Variants in ZBTB37 observed in about 807,000 individuals in gnomAD.
The protein encoded by ZBTB37 is zinc finger and BTB domain-containing protein 37.
ZBTB37 carries 15 observed loss-of-function variants against 37.7 expected under a neutral mutation model. That is an observed-to-expected ratio of 0.40 (90% CI 0.27 to 0.61). The LOEUF (loss-of-function observed/expected upper bound fraction) is 0.61, where lower values mean the gene tolerates loss of function less well. Among genes scored for constraint, ZBTB37 ranks in the 20% least tolerant of loss-of-function variants. The probability of loss-of-function intolerance (pLI) is 0.44; values close to 1 mark genes in which losing one functional copy is unlikely to be tolerated. For synonymous variants in ZBTB37, 231 were observed against 220.6 expected (o/e 1.05, Z -0.42); for missense variants, 514 against 641.9 (o/e 0.80, Z 2.15).
intron 4 of ZBTB37, among the ~76,000 whole-genome samples, chr1:173,880,710 G>A (rs1656246569): frequency 1.3e-5 from 2 of 149,772 alleles, no homozygotes; most frequent in South Asian, 4.2e-4. Flanking sequence ...TTCTTTTTAA[G>A]TTTAAAACAA....
intron 4 of ZBTB37, among the ~76,000 whole-genome samples, chr1:173,880,173 C>A (rs1661960120): frequency 6.6e-6 from 1 of 152,190 alleles, no homozygotes; most frequent in South Asian, 2.1e-4. Flanking sequence ...GTATCTCTGA[C>A]ATTATCTTCT....
intron 3 of ZBTB37, among the ~76,000 whole-genome samples, chr1:173,871,818 T>G (rs866074338): frequency 6.6e-5 from 10 of 152,334 alleles, no homozygotes; most frequent in South Asian, 4.1e-4. Context: ...TTTAATACAT[T>G]GTATTTATTA....
chr1:173,874,451 C>T (rs959291829), intron 4 of ZBTB37, among the ~76,000 whole-genome samples: 5 of 151,320 alleles, frequency 3.3e-5, no homozygotes, highest in African/African-American at 1.2e-4. Context: ...CCCGGGTTCA[C>T]GCCATTCTCC....
intron 4 of ZBTB37, among the ~76,000 whole-genome samples, chr1:173,875,216 A>G (rs1655878676): frequency 6.6e-6 from 1 of 151,072 alleles, no homozygotes; most frequent in South Asian, 2.1e-4. Context: ...ATACTATAGT[A>G]TGCACACACT....
chr1:173,874,593 C>T (rs188628306), intron 4 of ZBTB37, among the ~76,000 whole-genome samples: 73 of 152,230 alleles, frequency 4.8e-4, no homozygotes, highest in African/African-American at 1.5e-3. Context: ...CCTCATGATC[C>T]GCCTGCCTCG....
chr1:173,876,030 T>C (rs1322858011), intron 4 of ZBTB37, among the ~76,000 whole-genome samples: 1 of 152,210 alleles, frequency 6.6e-6, no homozygotes, highest in East Asian at 1.9e-4. Context: ...CCTGAATATT[T>C]TGTTAGACTA....
chr1:173,902,300 TA>T (rs1391758877), exon 4 of ZBTB37: 1 of 152,266 alleles, frequency 6.6e-6, no homozygotes, highest in Non-Finnish European at 1.5e-5. Flanking sequence ...ATTTATCTAA[TA>T]TTTTTTACAA....
intron 4 of ZBTB37, among the ~76,000 whole-genome samples, chr1:173,873,978 G>A (rs1007748020): frequency 2.6e-5 from 4 of 152,178 alleles, no homozygotes; most frequent in East Asian, 1.9e-4. Context: ...GGAACTGGCC[G>A]GGCGCAGTGG....
In ZBTB37 at chr1:173,871,166, T is replaced by A; in HGVS notation, c.923+18T>A. 2 of 1,565,986 alleles carry A rather than the reference T, an allele frequency of 1.3e-6. No homozygotes were observed. The highest frequency in any genetic ancestry group is 8.6e-7 in the Non-Finnish European group (1 of 1,156,642). ...GTTGACAGGTAGGTTTGGTTTGGTT[T>A]GGTTTTCCCATGTAATGGCTATTGT... On this transcript the variant is annotated intron_variant, in intron 3 of 4. Coordinates refer to ENST00000427304, the Ensembl canonical transcript of ZBTB37.
chr1:173,873,068 A>G (rs1163593170), intron 3 of ZBTB37, among the ~76,000 whole-genome samples: 1 of 152,166 alleles, frequency 6.6e-6, no homozygotes. Flanking sequence ...CATGATCTAT[A>G]TCAATAGTCT....
chr1:173,901,654 G>A (rs1249856732), exon 4 of ZBTB37: 1 of 152,154 alleles, frequency 6.6e-6, no homozygotes, highest in Non-Finnish European at 1.5e-5. Context: ...TCCCACCTAG[G>A]ACTCCTAAAG....
At chr1:173,879,071 A>G (rs1006142665) in intron 4 of ZBTB37, among the ~76,000 whole-genome samples, 5 of 151,294 alleles carry the variant, frequency 3.3e-5, no homozygotes, top group Admixed American at 1.3e-4. Flanking sequence ...AGCCCGGGGA[A>G]CAAGAGCAAA....
downstream of ZBTB37, chr1:173,890,634 A>G (rs952303840): frequency 6.6e-6 from 1 of 152,230 alleles, no homozygotes; most frequent in African/African-American, 2.4e-5. Flanking sequence ...GCAAATCCCT[A>G]GGTTTGAGAA....
exon 4 of ZBTB37, chr1:173,900,643 T>C (rs1572081773): frequency 6.6e-6 from 1 of 152,354 alleles, no homozygotes; most frequent in Non-Finnish European, 1.5e-5. Flanking sequence ...AGGTGATATG[T>C]GCAAGGAGAA....
At chr1:173,874,798 A>G (rs1267787157) in intron 4 of ZBTB37, among the ~76,000 whole-genome samples, 1 of 152,226 alleles carries the variant, frequency 6.6e-6, no homozygotes, top group Non-Finnish European at 1.5e-5. Context: ...AAGAAATACA[A>G]ATTTATAGCA....
chr1:173,902,784 G>A (rs1657319358), exon 4 of ZBTB37: 1 of 152,132 alleles, frequency 6.6e-6, no homozygotes, highest in Non-Finnish European at 1.5e-5. Context: ...TTCAGGAGGA[G>A]AGTTAAGGAG....
exon 4 of ZBTB37, chr1:173,873,553 A>G: frequency 6.2e-7 from 1 of 1,614,080 alleles, no homozygotes; most frequent in Non-Finnish European, 8.5e-7. Context: ...GAGCCTAAGC[A>G]ACCCAGCTCC....
chr1:173,882,325 TCTGCC>T (rs1171869383), intron 4 of ZBTB37, among the ~76,000 whole-genome samples: 3 of 142,984 alleles, frequency 2.1e-5, no homozygotes, highest in African/African-American at 7.7e-5. Flanking sequence ...CACTGCAAGC[TCTGCC>T]TCCCAGGTTC....
intron 4 of ZBTB37, among the ~76,000 whole-genome samples, chr1:173,884,407 C>T (rs1349786626): frequency 6.6e-6 from 1 of 152,028 alleles, no homozygotes; most frequent in African/African-American, 2.4e-5. Flanking sequence ...ATTCTCCCAC[C>T]TCAGCCTCCC....
Sources: gnomAD v4.1 joint callset for allele counts (sites outside exome capture counted in the v4.1 genomes callset) on GRCh38, gnomAD v4.1.1 for gene constraint, MANE v1.5 for transcripts, NCBI Gene and HGNC (gene_info 2026-07-23, HGNC 2026-07-21) for gene names.